The following GPHN variants were observed in gnomAD, a reference collection of about 807,000 sequenced individuals.
GPHN encodes the protein gephyrin.
GPHN carries 17 observed loss-of-function variants against 95.5 expected under a neutral mutation model. The observed-to-expected ratio is 0.18, with a 90% CI of 0.12 to 0.27. GPHN has a LOEUF of 0.27. GPHN is among the 10% of genes least tolerant of loss of function. The pLI is 1.00. For missense variants in GPHN, 660 were observed against 978.1 expected (o/e 0.67, Z 4.34); for synonymous variants, 320 against 322.5 (o/e 0.99, Z 0.08).
At chr14:67,266,056 C>G in the GPHN span, among the ~76,000 whole-genome samples, 104 of 152,220 alleles carry the variant, frequency 6.8e-4, 1 homozygote, top group South Asian at 0.021. Context: ...ATACTCCTGT[C>G]TCTGCTTCCC....
intron 13 of GPHN, among the ~76,000 whole-genome samples, chr14:67,109,380 C>G (rs1018955452): frequency 6.6e-6 from 1 of 152,200 alleles, no homozygotes; most frequent in Admixed American, 6.5e-5. Flanking sequence ...GATCACTTCT[C>G]TATCAGATCA....
intron 11 of GPHN, among the ~76,000 whole-genome samples, chr14:67,087,226 A>G (rs1263669207): frequency 1.3e-5 from 2 of 152,140 alleles, no homozygotes; most frequent in Non-Finnish European, 2.9e-5. Flanking sequence ...ATTAACCACT[A>G]TTAGTGCACT....
At chr14:67,192,690 C>G in the GPHN span, among the ~76,000 whole-genome samples, 21 of 151,192 alleles carry the variant, frequency 1.4e-4, no homozygotes, top group African/African-American at 4.9e-4. Flanking sequence ...TAGCTTGACA[C>G]CATGATTGAT....
At chr14:67,204,984 C>G in the GPHN span, 1 of 1,575,332 alleles carries the variant, frequency 6.3e-7, no homozygotes, top group East Asian at 2.4e-5. Context: ...TCATAGAAGT[C>G]AGAGAAGCCA....
chr14:67,059,537 A>G (rs1288824921), intron 11 of GPHN, among the ~76,000 whole-genome samples: 1 of 152,228 alleles, frequency 6.6e-6, no homozygotes, highest in Non-Finnish European at 1.5e-5. Flanking sequence ...GAATCATAAA[A>G]TATTCAAACT....
chr14:66,712,370 G>T (rs933760955), intron 2 of GPHN, among the ~76,000 whole-genome samples: 1 of 152,138 alleles, frequency 6.6e-6, no homozygotes, highest in Non-Finnish European at 1.5e-5. Flanking sequence ...GTGTCTGTGG[G>T]TTGCATAAAT....
At chr14:66,932,452 T>TG (rs1555444696) in intron 8 of GPHN, among the ~76,000 whole-genome samples, 1 of 115,748 alleles carries the variant, frequency 8.6e-6, no homozygotes, top group East Asian at 2.4e-4. Flanking sequence ...AGGTTTTTTT[T>TG]TTTTTTTTTT....
chr14:66,534,198 G>A (rs1448804475), intron 1 of GPHN, among the ~76,000 whole-genome samples: 3 of 152,222 alleles, frequency 2.0e-5, no homozygotes, highest in South Asian at 2.1e-4. Flanking sequence ...AGTTTTTTAT[G>A]TGTACAAACT....
chr14:66,817,641 T>G (rs781259369), intron 3 of GPHN, among the ~76,000 whole-genome samples: 7 of 152,168 alleles, frequency 4.6e-5, no homozygotes, highest in Non-Finnish European at 1.0e-4. Flanking sequence ...AGGTCACTCA[T>G]GTAGCTGAAA....
the GPHN span, chr14:67,579,672 G>A: frequency 6.3e-7 from 1 of 1,578,582 alleles, no homozygotes; most frequent in Admixed American, 1.7e-5. Flanking sequence ...GCCCTAGTGA[G>A]CTCCTCTCAG....
chr14:67,323,735 C>A, the GPHN span: 1 of 1,595,896 alleles, frequency 6.3e-7, no homozygotes, highest in South Asian at 1.1e-5. Flanking sequence ...AGATTTGAAA[C>A]CATATATTAT....
chr14:66,824,516 A>G lies in GPHN; in HGVS notation c.244A>G (p.Ile82Val), dbSNP rs2061322984. The change falls in exon 4 of 23, where the codon ATA (isoleucine) becomes GTA (valine). Residue 82 changes from isoleucine (I) to valine (V), a missense_variant. Ile to Val is a conservative substitution (Grantham distance 29). Around this residue, in one of 6 missense-constraint regions of GPHN, gnomAD observed 71 missense variants for 130.8 expected, o/e 0.54. Transcript: ENST00000478722. ...DWCDEKELNL[I>V]LTTGGTGFAP... Reference sequence around the variant, plus strand: ...GTGTGATGAAAAGGAACTTAATTTGATATTAACAACTGGAGGAACAGGATT... The same window carrying G: ...GTGTGATGAAAAGGAACTTAATTTGGTATTAACAACTGGAGGAACAGGATT... 9 of 1,596,320 alleles carry G rather than the reference A, an allele frequency of 5.6e-6. No individual in the cohort carries two copies. The highest frequency in any genetic ancestry group is 7.7e-6 in the Non-Finnish European group (9 of 1,164,094).
At chr14:67,221,857 T>C in the GPHN span, 1 of 1,601,916 alleles carries the variant, frequency 6.2e-7, no homozygotes, top group Non-Finnish European at 8.5e-7. Context: ...TGGTATTCAG[T>C]AGTCATCTCT....
the GPHN span, among the ~76,000 whole-genome samples, chr14:67,711,220 A>G: frequency 6.6e-6 from 1 of 152,190 alleles, no homozygotes; most frequent in Non-Finnish European, 1.5e-5. Context: ...TCAATGTCTT[A>G]TTTATTAAAG....
chr14:66,713,832 G>A (rs985906157), intron 2 of GPHN, among the ~76,000 whole-genome samples: 6 of 151,974 alleles, frequency 3.9e-5, no homozygotes, highest in African/African-American at 1.5e-4. Context: ...GCAGTGACGT[G>A]ATCTTGGCTC....
the GPHN span, among the ~76,000 whole-genome samples, chr14:67,257,758 A>G: frequency 6.6e-6 from 1 of 152,214 alleles, no homozygotes; most frequent in Non-Finnish European, 1.5e-5. Flanking sequence ...AGTGTTCTCT[A>G]TGCAGAACTC....
chr14:67,109,035 A>G (rs1052334539), intron 13 of GPHN, among the ~76,000 whole-genome samples: 6 of 152,200 alleles, frequency 3.9e-5, no homozygotes, highest in Non-Finnish European at 8.8e-5. Context: ...CACCTAGCCT[A>G]CATGGTGTGA....
At chr14:67,650,806 T>A in the GPHN span, 2 of 1,614,048 alleles carry the variant, frequency 1.2e-6, no homozygotes, top group East Asian at 2.2e-5. Context: ...TGGCAGTAGA[T>A]GTGATTGCTT....
chr14:66,798,963 C>A (rs1223845739), intron 3 of GPHN, among the ~76,000 whole-genome samples: 1 of 151,712 alleles, frequency 6.6e-6, no homozygotes, highest in Non-Finnish European at 1.5e-5. Flanking sequence ...CTATAAACTT[C>A]CCTCTTAGTA....
Sources: allele counts gnomAD v4.1 joint callset (sites outside exome capture counted in the v4.1 genomes callset), GRCh38; gene constraint gnomAD v4.1.1; regional missense constraint gnomAD v4.1.1; transcripts MANE v1.5; gene names NCBI Gene and HGNC (gene_info 2026-07-23, HGNC 2026-07-21).